Variants in CNTNAP2 observed in about 807,000 individuals in gnomAD.
CNTNAP2 encodes the protein contactin associated protein 2.
In CNTNAP2, 98 loss-of-function variants were observed where a neutral mutation model predicts 155.2. The observed-to-expected ratio is 0.63, with a 90% confidence interval of 0.54 to 0.75. The LOEUF (loss-of-function observed/expected upper bound fraction) is 0.75. Among genes scored for constraint, CNTNAP2 ranks in the 30% least tolerant of loss-of-function variants. CNTNAP2 has a pLI of 0.00. For synonymous variants in CNTNAP2, 651 were observed against 631.2 expected, an observed-to-expected ratio of 1.03 and a Z score of -0.47; for missense variants, 1,727 against 1,688.1, an observed-to-expected ratio of 1.02 and a Z score of -0.40.
chr7:147,679,262 A>G (rs1408437102), intron 13 of CNTNAP2, among the ~76,000 whole-genome samples: 1 of 151,944 alleles, frequency 6.6e-6, no homozygotes, highest in East Asian at 1.9e-4. Flanking sequence ...TAGAAATATA[A>G]TAAAGATCTT....
chr7:147,654,971 CATGCCCGGCTAATTTT>C (rs1795504500), intron 13 of CNTNAP2, among the ~76,000 whole-genome samples: 2 of 151,368 alleles, frequency 1.3e-5, no homozygotes, highest in Admixed American at 1.3e-4. Context: ...TGCCCGTCAC[CATGCCCGGCTAATTTT>C]TGTATTTTTA....
chr7:146,561,500 GA>G (rs536118945), intron 1 of CNTNAP2, among the ~76,000 whole-genome samples: 6 of 151,064 alleles, frequency 4.0e-5, no homozygotes, highest in African/African-American at 9.7e-5. Context: ...CCATTTTTTA[GA>G]AAAAAAAATT....
At chr7:147,469,866 G>C (rs934127378) in intron 10 of CNTNAP2, among the ~76,000 whole-genome samples, 1 of 152,116 alleles carries the variant, frequency 6.6e-6, no homozygotes, top group African/African-American at 2.4e-5. Context: ...CATTGGGATG[G>C]CATTTGTGCA....
chr7:148,344,408 G>A (rs1208540781), intron 21 of CNTNAP2, among the ~76,000 whole-genome samples: 2 of 152,164 alleles, frequency 1.3e-5, no homozygotes, highest in Non-Finnish European at 2.9e-5. Context: ...CCTGCTCAGA[G>A]TCCTTCTCCA....
chr7:147,972,291 C>T (rs997357900), intron 14 of CNTNAP2, among the ~76,000 whole-genome samples: 4 of 152,122 alleles, frequency 2.6e-5, no homozygotes, highest in Non-Finnish European at 5.9e-5. Context: ...AATCCTGAAA[C>T]TTCACAAAAG....
chr7:147,639,375 CA>C, intron 13 of CNTNAP2, 69 bp downstream of exon 13: 1 of 1,433,822 alleles, frequency 7.0e-7, no homozygotes, highest in South Asian at 1.2e-5. Context: ...CTAAAGAATC[CA>C]ACAGGTGTGG....
Position 147,972,077 on chromosome 7 carries a change from T to C in CNTNAP2, c.2256-5785T>C, listed in dbSNP as rs1365841440. On this transcript the variant is annotated intron_variant, in intron 14 of 23. Coordinates refer to ENST00000361727, the MANE Select transcript of CNTNAP2 (RefSeq NM_014141.6). Reference sequence around the variant, plus strand: ...AGTGTGAAGTAGCATCTCAATGTAGTTTTAGTTACATTTGCCTAAGGAATG... The same window carrying C: ...AGTGTGAAGTAGCATCTCAATGTAGCTTTAGTTACATTTGCCTAAGGAATG... 2.0e-5 allele frequency among the ~76,000 whole-genome samples: 3 copies of C among 152,174 alleles called. No individual in the cohort carries two copies. The East Asian group carries it at 5.8e-4, about 29-fold the overall frequency.
chr7:146,371,492 C>G (rs2129102790), intron 1 of CNTNAP2, among the ~76,000 whole-genome samples: 1 of 151,362 alleles, frequency 6.6e-6, no homozygotes, highest in Middle Eastern at 3.4e-3. Flanking sequence ...CCTCAGCCTC[C>G]CGAGTAGCTG....
rs553627514 is a variant in CNTNAP2 at position 148,281,187 on chromosome 7, G to A, written c.3475+14061G>A. 1.9e-4 allele frequency among the ~76,000 whole-genome samples: 29 copies of A among 152,290 alleles called. 1 individual carries two copies. In the South Asian group the frequency reaches 6.0e-3, roughly 32 times the overall value. ...TTATTTATTTACAGCTTAGAATTTTGTAGTTCTTTTAGAGTCATTATTGAA... is the reference window on the plus strand; with the variant it reads ...TTATTTATTTACAGCTTAGAATTTTATAGTTCTTTTAGAGTCATTATTGAA... On this transcript the variant is annotated intron_variant, in intron 21 of 23. Transcript: ENST00000361727.
chr7:146,565,290 CTA>C (rs1169352094), intron 1 of CNTNAP2, among the ~76,000 whole-genome samples: 2 of 151,948 alleles, frequency 1.3e-5, no homozygotes, highest in African/African-American at 2.4e-5. Context: ...TCAATTTTGA[CTA>C]TTGGTATAAT....
intron 22 of CNTNAP2, among the ~76,000 whole-genome samples, chr7:148,392,425 A>AGTTT (rs1799371993): frequency 6.6e-6 from 1 of 152,178 alleles, no homozygotes; most frequent in Non-Finnish European, 1.5e-5. Context: ...TTCTCAGCAA[A>AGTTT]GTTTGCATGG....
intron 13 of CNTNAP2, among the ~76,000 whole-genome samples, chr7:147,646,197 A>G (rs1795362023): frequency 6.6e-6 from 1 of 152,176 alleles, no homozygotes; most frequent in Non-Finnish European, 1.5e-5. Context: ...GTGATTACTT[A>G]TATATACAGG....
chr7:146,960,248 C>T (rs1797529346), intron 3 of CNTNAP2, among the ~76,000 whole-genome samples: 1 of 152,206 alleles, frequency 6.6e-6, no homozygotes, highest in Non-Finnish European at 1.5e-5. Flanking sequence ...CCAAAATGCA[C>T]ATCTTTCTCT....
chr7:146,246,876 G>A (rs534225972), intron 1 of CNTNAP2, among the ~76,000 whole-genome samples: 161 of 152,302 alleles, frequency 1.1e-3, no homozygotes, highest in Non-Finnish European at 1.8e-3. Flanking sequence ...CTGGAGGAAC[G>A]CCTGGTCGCT....
In CNTNAP2 at chr7:146,967,626, A is replaced by G. The variant is rs574987460; in HGVS notation, c.403-76281A>G. 5.1e-4 allele frequency among the ~76,000 whole-genome samples: 78 copies of G among 152,296 alleles called. 1 individual carries two copies. In the Middle Eastern group the frequency reaches 0.01, roughly 20 times the overall value. ...CTCTCTGTTTGTCTGCTATTGGTGTATAAGAAAGCTTGTGATTTTTGTACA... is the reference window on the plus strand; with the variant it reads ...CTCTCTGTTTGTCTGCTATTGGTGTGTAAGAAAGCTTGTGATTTTTGTACA... On this transcript the variant is annotated intron_variant, in intron 3 of 23. Coordinates refer to ENST00000361727, the MANE Select transcript of CNTNAP2 (RefSeq NM_014141.6).
intron 1 of CNTNAP2, among the ~76,000 whole-genome samples, chr7:146,596,760 T>C (rs1798868886): frequency 6.6e-6 from 1 of 152,048 alleles, no homozygotes. Context: ...ATCATTTCTT[T>C]TGTGACCTTA....
intron 9 of CNTNAP2, among the ~76,000 whole-genome samples, chr7:147,390,341 A>G (rs1232118582): frequency 1.3e-5 from 2 of 152,168 alleles, no homozygotes; most frequent in African/African-American, 4.8e-5. Context: ...TGCATAGTGC[A>G]TTGCCTCAAA....
chr7:146,314,871 G>A (rs1253268739), intron 1 of CNTNAP2, among the ~76,000 whole-genome samples: 1 of 152,176 alleles, frequency 6.6e-6, no homozygotes, highest in Non-Finnish European at 1.5e-5. Context: ...TTTAAGACAT[G>A]AAGAGGTCTC....
At chr7:146,889,912 G>A (rs1406573341) in intron 3 of CNTNAP2, among the ~76,000 whole-genome samples, 2 of 152,092 alleles carry the variant, frequency 1.3e-5, no homozygotes, top group Non-Finnish European at 2.9e-5. Context: ...TATTATTGAT[G>A]AGATTGGAAA....
Sources: allele counts gnomAD v4.1 joint callset (sites outside exome capture counted in the v4.1 genomes callset), GRCh38; gene constraint gnomAD v4.1.1; transcripts MANE v1.5; gene names NCBI Gene and HGNC (gene_info 2026-07-23, HGNC 2026-07-21).